The following EYA2 variants were observed in gnomAD, a reference collection of about 807,000 sequenced individuals.
EYA2 encodes protein phosphatase EYA2.
A neutral mutation model predicts 69.2 loss-of-function variants in EYA2; 31 were observed. The observed-to-expected ratio is 0.45, with a 90% CI of 0.34 to 0.60. The LOEUF (loss-of-function observed/expected upper bound fraction) is 0.60, where lower values mean the gene tolerates loss of function less well. Among genes scored for constraint, EYA2 ranks in the 20% least tolerant of loss-of-function variants. EYA2 has a pLI of 0.02. For synonymous variants in EYA2, 257 were observed against 279.4 expected, an observed-to-expected ratio of 0.92 and a Z score of 0.80; for missense variants, 622 against 701.2, an observed-to-expected ratio of 0.89 and a Z score of 1.28.
At chr20:46,968,075 C>T (rs1979900043) in intron 1 of EYA2, among the ~76,000 whole-genome samples, 1 of 152,194 alleles carries the variant, frequency 6.6e-6, no homozygotes, top group South Asian at 2.1e-4. Flanking sequence ...GAAGGCGCCA[C>T]ATGAATGGAG....
intron 10 of EYA2, among the ~76,000 whole-genome samples, chr20:47,163,749 G>A (rs1047434114): frequency 6.6e-6 from 1 of 150,650 alleles, no homozygotes; most frequent in African/African-American, 2.4e-5. Flanking sequence ...TGCACTGCTG[G>A]GTAGGATTCC....
intron 5 of EYA2, among the ~76,000 whole-genome samples, chr20:47,042,154 TA>T (rs1985106978): frequency 6.6e-6 from 1 of 152,178 alleles, no homozygotes; most frequent in African/African-American, 2.4e-5. Flanking sequence ...GCTCCCTCAT[TA>T]ATTGCTTACA....
chr20:47,149,405 G>A (rs192395357), intron 10 of EYA2, among the ~76,000 whole-genome samples: 2 of 152,174 alleles, frequency 1.3e-5, no homozygotes, highest in Admixed American at 1.3e-4. Flanking sequence ...CTGGTGATTT[G>A]CTATCCACAT....
At chr20:47,048,761 G>A (rs989460787) in intron 5 of EYA2, among the ~76,000 whole-genome samples, 1 of 152,088 alleles carries the variant, frequency 6.6e-6, no homozygotes, top group Non-Finnish European at 1.5e-5. Context: ...ATAAAATACT[G>A]TGCAGCAGTT....
At chr20:47,142,667 A>G (rs1287933976) in intron 9 of EYA2, among the ~76,000 whole-genome samples, 1 of 152,226 alleles carries the variant, frequency 6.6e-6, no homozygotes, top group Non-Finnish European at 1.5e-5. Context: ...TTATACTGAA[A>G]TCTTCCAGAC....
intron 1 of EYA2, among the ~76,000 whole-genome samples, chr20:46,956,414 T>G (rs1176853620): frequency 6.6e-6 from 1 of 152,174 alleles, no homozygotes; most frequent in Non-Finnish European, 1.5e-5. Flanking sequence ...ATCTCTCACC[T>G]AAGGACCAGT....
At chr20:46,933,553 G>C (rs1056798652) in intron 1 of EYA2, among the ~76,000 whole-genome samples, 7 of 152,346 alleles carry the variant, frequency 4.6e-5, no homozygotes, top group South Asian at 2.1e-4. Context: ...GGCATCAGTG[G>C]TGGGTCACTC....
intron 9 of EYA2, among the ~76,000 whole-genome samples, chr20:47,124,463 G>T (rs4809626): frequency 0.97 from 147,651 of 152,292 alleles, 71,744 homozygotes; most frequent in East Asian, 1. Flanking sequence ...GAAGTGTGAC[G>T]ACTACTAATA....
At chr20:47,096,830 A>G (rs574628913) in intron 8 of EYA2, among the ~76,000 whole-genome samples, 5 of 152,302 alleles carry the variant, frequency 3.3e-5, no homozygotes, top group Admixed American at 6.5e-5. Context: ...GAGCTTTTAT[A>G]TGGAAGGCAA....
At chr20:46,993,787 GT>G (rs758850154) in intron 2 of EYA2, among the ~76,000 whole-genome samples, 2 of 152,112 alleles carry the variant, frequency 1.3e-5, no homozygotes, top group Non-Finnish European at 2.9e-5. Flanking sequence ...TGCAGTTTTT[GT>G]TAGGGTGGCT....
chr20:47,167,272 T>G (rs888608655), intron 10 of EYA2, among the ~76,000 whole-genome samples: 6 of 121,000 alleles, frequency 5.0e-5, no homozygotes, highest in African/African-American at 1.0e-4. Context: ...GGAGAATCGG[T>G]TTTTTTACTT....
intron 12 of EYA2, among the ~76,000 whole-genome samples, chr20:47,174,818 G>A (rs779283506): frequency 6.6e-6 from 1 of 152,178 alleles, no homozygotes; most frequent in Non-Finnish European, 1.5e-5. Context: ...AGGCAGAAGG[G>A]CCACAGTGGA....
chr20:46,993,946 A>G (rs1981852832), intron 2 of EYA2, among the ~76,000 whole-genome samples: 1 of 152,216 alleles, frequency 6.6e-6, no homozygotes, highest in Non-Finnish European at 1.5e-5. Flanking sequence ...AAAACTTTAC[A>G]TATATTAATA....
chr20:47,174,975 G>A (rs775678551), intron 12 of EYA2, among the ~76,000 whole-genome samples: 14 of 152,358 alleles, frequency 9.2e-5, no homozygotes, highest in Non-Finnish European at 1.8e-4. Flanking sequence ...GAGGGAGGAG[G>A]GGAGCAGGAG....
intron 5 of EYA2, among the ~76,000 whole-genome samples, chr20:47,023,643 T>TTG (rs1555813803): frequency 2.6e-4 from 36 of 140,658 alleles, no homozygotes; most frequent in Non-Finnish European, 3.4e-4. Flanking sequence ...TTTTTTTTTT[T>TTG]TTTTTTTTTT....
At chr20:46,990,568 G>A (rs1332456130) in intron 2 of EYA2, among the ~76,000 whole-genome samples, 4 of 152,182 alleles carry the variant, frequency 2.6e-5, no homozygotes, top group East Asian at 1.9e-4. Context: ...CTTTCAGGTC[G>A]GGTTGGAGTC....
intron 4 of EYA2, among the ~76,000 whole-genome samples, chr20:47,013,674 C>T (rs1234687218): frequency 1.3e-5 from 2 of 152,074 alleles, no homozygotes; most frequent in Non-Finnish European, 2.9e-5. Context: ...GCAGAGGGAG[C>T]GAAGGAGCCC....
At chr20:47,181,689 C>T (rs2034540808) in intron 14 of EYA2, among the ~76,000 whole-genome samples, 1 of 150,600 alleles carries the variant, frequency 6.6e-6, no homozygotes, top group Admixed American at 6.6e-5. Context: ...AATTAGAAAC[C>T]TTTTCCATTG....
intron 1 of EYA2, among the ~76,000 whole-genome samples, chr20:46,915,676 A>C (rs1217659045): frequency 6.6e-6 from 1 of 152,184 alleles, no homozygotes; most frequent in Non-Finnish European, 1.5e-5. Flanking sequence ...CGGCATTTAA[A>C]AATTAGGAGA....
Sources: gnomAD v4.1 joint callset for allele counts (sites outside exome capture counted in the v4.1 genomes callset) on GRCh38, gnomAD v4.1.1 for gene constraint, MANE v1.5 for transcripts, NCBI Gene and HGNC (gene_info 2026-07-23, HGNC 2026-07-21) for gene names.